ERICH3: variants seen among roughly 807,000 people sequenced by gnomAD.
ERICH3 encodes glutamate-rich protein 3.
In ERICH3, 126 loss-of-function variants were observed where a neutral mutation model predicts 131.1. That is an observed-to-expected ratio of 0.96 (90% CI 0.83 to 1.11). The LOEUF (loss-of-function observed/expected upper bound fraction) is 1.11, where lower values mean the gene tolerates loss of function less well. Ranked by LOEUF, ERICH3 falls within the 50% of genes most tolerant of loss-of-function variation. The probability of loss-of-function intolerance (pLI) is 0.00; values close to 1 mark genes in which losing one functional copy is unlikely to be tolerated. For synonymous variants in ERICH3, 695 were observed against 644.6 expected (o/e 1.08, Z -1.18); for missense variants, 2,050 against 1,810.7 (o/e 1.13, Z -2.40).
At chr1:74,580,931 C>T (rs991477629) in intron 12 of ERICH3, among the ~76,000 whole-genome samples, 6 of 152,248 alleles carry the variant, frequency 3.9e-5, no homozygotes, top group East Asian at 1.9e-4. Flanking sequence ...TCACTTTCCC[C>T]GCCTGGTAGT....
chr1:74,607,436 A>G (rs1445288346), intron 9 of ERICH3, among the ~76,000 whole-genome samples: 1 of 152,034 alleles, frequency 6.6e-6, no homozygotes, highest in Non-Finnish European at 1.5e-5. Flanking sequence ...GTAACAAAAG[A>G]CTTACAAGAT....
At chr1:74,643,218 G>C in intron 3 of ERICH3, 120 bp from the exon 4 acceptor site, 1 of 665,458 alleles carries the variant, frequency 1.5e-6, no homozygotes, top group Non-Finnish European at 2.5e-6. Context: ...CATTGAGATG[G>C]AGAAGAATCA....
chr1:74,657,213 T>G, intron 1 of ERICH3, among the ~76,000 whole-genome samples: 1 of 152,316 alleles, frequency 6.6e-6, no homozygotes, highest in Non-Finnish European at 1.5e-5. Flanking sequence ...AACAATTTTC[T>G]TTTTGTTATT....
At chr1:74,612,540 G>A in intron 9 of ERICH3, 83 bp downstream of exon 9, 3 of 1,242,744 alleles carry the variant, frequency 2.4e-6, no homozygotes, top group Admixed American at 2.5e-5. Flanking sequence ...CTTAATAATT[G>A]TGAAGAGAAA....
chr1:74,673,460 C>A, intron 1 of ERICH3, 37 bp downstream of exon 1: 1 of 1,609,098 alleles, frequency 6.2e-7, no homozygotes, highest in Non-Finnish European at 8.5e-7. Flanking sequence ...GAAGCCGCCA[C>A]CTGCCACAGC....
chr1:74,621,183 C>T (rs1254556473), intron 7 of ERICH3, among the ~76,000 whole-genome samples: 1 of 151,930 alleles, frequency 6.6e-6, no homozygotes, highest in Non-Finnish European at 1.5e-5. Flanking sequence ...ACTTTAAGTG[C>T]AAGTGTGTGG....
intron 1 of ERICH3, among the ~76,000 whole-genome samples, chr1:74,662,923 G>A (rs1452632519): frequency 6.6e-6 from 1 of 152,088 alleles, no homozygotes; most frequent in Non-Finnish European, 1.5e-5. Context: ...GGCTAAGGTG[G>A]GATAATTGCT....
At position 74,571,347 on chromosome 1, in the gene ERICH3, G is replaced by A. The variant is rs1372312816; in HGVS notation, c.4363C>T (p.Gln1455Ter). The A allele has an allele frequency of 6.2e-7, 1 of 1,613,858 alleles. No individual in the cohort carries two copies. The highest frequency in any genetic ancestry group is 8.5e-7 in the Non-Finnish European group (1 of 1,179,984). ...GQEQEEGSEG[Q>*]EAATGSGDGR... ...TCGCCACTCCCAGTGGCTGCCTCCT[G>A]GCCCTCTGACCCTTCCTCTTGCTCC... The change falls in exon 14 of 15, where the codon CAG becomes TAG. Residue 1455 changes from glutamine (Q) to a stop codon, truncating the protein, a stop_gained. Transcript: ENST00000326665. LOFTEE classifies it high-confidence loss of function.
chr1:74,640,189 C>T (rs1646426110), intron 5 of ERICH3, among the ~76,000 whole-genome samples: 1 of 152,184 alleles, frequency 6.6e-6, no homozygotes, highest in Admixed American at 6.6e-5. Context: ...GATTTTTCCT[C>T]TCTGAAACAG....
At chr1:74,599,975 CT>C (rs1403007151) in intron 10 of ERICH3, 44 bp from the exon 11 acceptor site, 1 of 1,378,536 alleles carries the variant, frequency 7.3e-7, no homozygotes, top group African/African-American at 1.5e-5. Flanking sequence ...AATAGAACCC[CT>C]TATACTTAAC....
chr1:74,596,269 C>T (rs536407059), intron 11 of ERICH3, among the ~76,000 whole-genome samples: 49 of 152,024 alleles, frequency 3.2e-4, no homozygotes, highest in African/African-American at 1.1e-3. Context: ...TTTATCTCTA[C>T]TTCAATCTCA....
In ERICH3 at chr1:74,613,299, T is replaced by G. The variant is rs1172254664; in HGVS notation, c.1001-490A>C. 2.0e-5 allele frequency among the ~76,000 whole-genome samples: 3 copies of G among 152,214 alleles called. No individual in the cohort carries two copies. In the East Asian group the frequency reaches 5.8e-4, roughly 29 times the overall value. On this transcript the variant is annotated intron_variant, in intron 8 of 14. Coordinates refer to ENST00000326665, the MANE Select transcript of ERICH3 (RefSeq NM_001002912.5). ...CACTTACTGTGGCAGGCATTATGCC[T>G]TATTATCTTGTTATTTTTCAATCAT...
chr1:74,574,854 G>A (rs148020529), intron 13 of ERICH3, among the ~76,000 whole-genome samples: 7 of 152,222 alleles, frequency 4.6e-5, no homozygotes, highest in South Asian at 2.1e-4. Context: ...CTGCAGAATA[G>A]AGGTTAGGGA....
intron 1 of ERICH3, among the ~76,000 whole-genome samples, chr1:74,657,439 T>C (rs905444859): frequency 6.6e-6 from 1 of 152,198 alleles, no homozygotes; most frequent in African/African-American, 2.4e-5. Flanking sequence ...CAAGAGTCTC[T>C]ACAGCCTGTC....
In ERICH3 at chr1:74,573,316, C is replaced by G; in HGVS notation, c.2394G>C (p.Trp798Cys). The G allele has an allele frequency of 1.2e-6, 2 of 1,603,954 alleles. No homozygotes were observed. The highest frequency in any genetic ancestry group is 1.7e-6 in the Non-Finnish European group (2 of 1,176,014). The change falls in exon 14 of 15, where the codon TGG becomes TGC. Residue 798 changes from tryptophan to cysteine, a missense_variant. Transcript: ENST00000326665. ...CCTCATGAACAGCTCCTGCTTCTCC[C>G]CACAGTGCTGCCTCCCCTTTTCCCT... is the stretch of plus-strand genomic sequence containing the variant. ...IVQGKGEAAL[W>C]GEAGAVHEAP...
chr1:74,587,127 C>G (rs12092011), intron 12 of ERICH3, among the ~76,000 whole-genome samples: 1 of 151,886 alleles, frequency 6.6e-6, no homozygotes, highest in Non-Finnish European at 1.5e-5. Flanking sequence ...AGATCGAGAC[C>G]ATCCTGGCTA....
At chr1:74,579,601 A>G (rs1244120369) in intron 12 of ERICH3, 3 of 985,288 alleles carry the variant, frequency 3.0e-6, no homozygotes, top group African/African-American at 3.5e-5. Flanking sequence ...GTGAAACCAG[A>G]AAAGGCTTCA....
chr1:74,628,374 G>A (rs1366674792), intron 7 of ERICH3, among the ~76,000 whole-genome samples: 1 of 152,086 alleles, frequency 6.6e-6, no homozygotes, highest in African/African-American at 2.4e-5. Flanking sequence ...ACGGGTGGAC[G>A]ATTCATTTCG....
chr1:74,642,031 G>A (rs1646442117), intron 4 of ERICH3, among the ~76,000 whole-genome samples: 1 of 152,010 alleles, frequency 6.6e-6, no homozygotes, highest in African/African-American at 2.4e-5. Flanking sequence ...CAGTGTGAGT[G>A]ACTCTTTTTT....
Sources: allele counts gnomAD v4.1 joint callset (sites outside exome capture counted in the v4.1 genomes callset), GRCh38; gene constraint gnomAD v4.1.1; transcripts MANE v1.5; gene names NCBI Gene and HGNC (gene_info 2026-07-23, HGNC 2026-07-21).